The following ICE1 variants were observed in gnomAD, a reference collection of about 807,000 sequenced individuals.
ICE1 encodes little elongation complex subunit 1.
ICE1 carries 64 observed loss-of-function variants against 192.7 expected under a neutral mutation model. The observed-to-expected ratio is 0.33, with a 90% CI of 0.27 to 0.41. The LOEUF (loss-of-function observed/expected upper bound fraction) is 0.41, where lower values mean the gene tolerates loss of function less well. ICE1 is among the 10% of genes least tolerant of loss of function. The probability of loss-of-function intolerance (pLI) is 1.00; values close to 1 mark genes in which losing one functional copy is unlikely to be tolerated. For missense variants in ICE1, 2,708 were observed against 2,696.0 expected (o/e 1.00, Z -0.10); for synonymous variants, 1,010 against 984.5 (o/e 1.03, Z -0.49).
chr5:5,483,681 T>A (rs972222679), intron 17 of ICE1, among the ~76,000 whole-genome samples: 3 of 152,190 alleles, frequency 2.0e-5, no homozygotes, highest in Non-Finnish European at 2.9e-5. Context: ...CAGTGGAGTG[T>A]AAATCTGTAG....
Position 5,473,637 on chromosome 5 carries a change from C to T in ICE1, c.6302C>T (p.Pro2101Leu). 6.2e-7 allele frequency: 1 copy of T among 1,613,490 alleles called. No individual in the cohort carries two copies. The change falls in exon 16 of 19, where the codon CCT (proline) becomes CTT (leucine). Residue 2101 changes from proline (P) to leucine (L), a missense_variant. By Grantham distance (98) the Pro-to-Leu change is moderately conservative. Around this residue, in one of 2 missense-constraint regions of ICE1, gnomAD observed 342 missense variants for 419.3 expected, o/e 0.82. Transcript: ENST00000296564. ...TTATGTCCAAAAACAGAATTTCAAC[C>T]TAGTGAAAAATTTGGTGAAGACCTA... is the stretch of plus-strand genomic sequence containing the variant. Reference protein sequence around the residue: ...IQLCPKTEFQPSEKFGEDLSD... With the variant: ...IQLCPKTEFQLSEKFGEDLSD...
intron 18 of ICE1, among the ~76,000 whole-genome samples, chr5:5,488,906 C>A: frequency 6.6e-6 from 1 of 152,160 alleles, no homozygotes; most frequent in East Asian, 1.9e-4. Context: ...TAAAAACACA[C>A]AAACAGTCCT....
chr5:5,437,091 CAG>C lies in ICE1; in HGVS notation c.157_158del (p.Glu53IlefsTer6). The C allele has an allele frequency of 1.3e-6, 2 of 1,525,764 alleles. No homozygotes were observed. Among genetic ancestry groups the C allele is most frequent in the Non-Finnish European group, 1.8e-6 (2 of 1,118,708 alleles). The allele number at this position is 1,525,764 out of a possible 1,614,324, so 94.5% of individuals were successfully genotyped here. On this transcript the variant is annotated frameshift_variant, in exon 3 of 19. Coordinates refer to ENST00000296564, the MANE Select transcript of ICE1 (RefSeq NM_015325.3). LOFTEE classifies it high-confidence loss of function. ...TTTCTTTTTTGCAGTAATTTGTTAA[CAG>C]AATATCAGAAGAAATGTGATGATAT... is the stretch of plus-strand genomic sequence containing the variant.
At chr5:5,438,308 TG>T (rs1167489900) in intron 3 of ICE1, among the ~76,000 whole-genome samples, 1 of 152,166 alleles carries the variant, frequency 6.6e-6, no homozygotes, top group Non-Finnish European at 1.5e-5. Flanking sequence ...AATCACAACT[TG>T]GTTTACAATT....
chr5:5,466,731 G>A (rs140489863), intron 14 of ICE1, among the ~76,000 whole-genome samples: 28 of 152,276 alleles, frequency 1.8e-4, no homozygotes, highest in African/African-American at 5.5e-4. Context: ...TCATTACTGT[G>A]TATTTGTTCT....
At chr5:5,470,227 C>G (rs1267392204) in intron 15 of ICE1, among the ~76,000 whole-genome samples, 1 of 152,170 alleles carries the variant, frequency 6.6e-6, no homozygotes, top group African/African-American at 2.4e-5. Context: ...GGTTACCTGC[C>G]TACAGGGGGT....
chr5:5,465,273 A>G, intron 13 of ICE1, 47 bp downstream of exon 13: 5 of 1,341,162 alleles, frequency 3.7e-6, no homozygotes, highest in Non-Finnish European at 5.1e-6. Flanking sequence ...ACATGTCCTC[A>G]AAGACAGATG....
rs780077927 is a variant in ICE1, at chr5:5,461,315, A to G, written c.1981A>G (p.Thr661Ala). Residue 661 changes from threonine to alanine, a missense_variant, in exon 13 of 19, where the codon ACT becomes GCT. By Grantham distance (58) the Thr-to-Ala change is moderately conservative. This residue lies in a region of ICE1 where 2,366 missense variants were observed against 2,276.6 expected (regional missense o/e 1.04). Coordinates refer to ENST00000296564, the MANE Select transcript of ICE1 (RefSeq NM_015325.3). The part of the protein sequence containing the change: ...LDCGNDTDIT[T>A]KVFSTEPHHS... ...CTGTGGTAATGATACAGATATTACT[A>G]CTAAAGTATTCTCTACTGAACCGCA... 2.4e-5 allele frequency: 39 copies of G among 1,613,788 alleles called. No individual in the cohort carries two copies. The highest frequency in any genetic ancestry group is 1.9e-4 in the South Asian group (17 of 91,090).
chr5:5,454,683 A>G (rs778782737), intron 11 of ICE1, 45 bp downstream of exon 11: 9 of 1,465,144 alleles, frequency 6.1e-6, no homozygotes, highest in South Asian at 5.8e-5. Context: ...GTGAAAGTAC[A>G]GAGCTTAACC....
intron 1 of ICE1, among the ~76,000 whole-genome samples, chr5:5,430,029 G>A (rs914202915): frequency 3.9e-5 from 6 of 152,184 alleles, no homozygotes; most frequent in African/African-American, 1.2e-4. Context: ...CTTTCCAATA[G>A]ACTATATAAT....
chr5:5,423,639 A>T (rs1334042207), intron 1 of ICE1, among the ~76,000 whole-genome samples: 1 of 152,216 alleles, frequency 6.6e-6, no homozygotes, highest in Non-Finnish European at 1.5e-5. Context: ...TTAGAGTGAC[A>T]TAAGGGAGAA....
chr5:5,466,306 T>G, intron 13 of ICE1, 28 bp from the exon 14 acceptor site: 1 of 1,574,414 alleles, frequency 6.4e-7, no homozygotes, highest in Non-Finnish European at 8.6e-7. Context: ...GAGTGTACAT[T>G]GCCTTTTTAA....
chr5:5,454,009 G>A (rs934940423), intron 10 of ICE1, among the ~76,000 whole-genome samples: 8 of 152,040 alleles, frequency 5.3e-5, no homozygotes, highest in South Asian at 2.1e-4. Context: ...TTCCCGTACC[G>A]TCTCCCCTCA....
At chr5:5,425,213 G>C (rs1387060945) in intron 1 of ICE1, among the ~76,000 whole-genome samples, 1 of 152,070 alleles carries the variant, frequency 6.6e-6, no homozygotes, top group Non-Finnish European at 1.5e-5. Flanking sequence ...TCTAATGTAT[G>C]GCCTAGAAAT....
At chr5:5,444,900 T>A (rs1738167023) in intron 7 of ICE1, among the ~76,000 whole-genome samples, 2 of 152,132 alleles carry the variant, frequency 1.3e-5, no homozygotes, top group African/African-American at 4.8e-5. Flanking sequence ...GCTAATAACC[T>A]TTCAGGAACT....
At position 5,468,719 on chromosome 5, in the gene ICE1, G is replaced by A. The variant is rs1013636501; in HGVS notation, c.6062-109G>A. On this transcript the variant is annotated intron_variant, in intron 14 of 18. Coordinates refer to ENST00000296564, the MANE Select transcript of ICE1 (RefSeq NM_015325.3). Reference sequence around the variant, plus strand: ...CTCCCCATTTACAGCTTCCTCCATTGCAGGATGCCTGCAAGGCACCAGTGA... The same window carrying A: ...CTCCCCATTTACAGCTTCCTCCATTACAGGATGCCTGCAAGGCACCAGTGA... The A allele has an allele frequency of 2.4e-5, 15 of 616,750 alleles. No individual in the cohort carries two copies. In the South Asian group the frequency reaches 5.0e-4, roughly 21 times the overall value. The allele number at this position is 616,750 out of a possible 1,614,324, so 38.2% of individuals were successfully genotyped here. A position where few individuals can be genotyped will look rare whatever the true frequency, so the allele number is the denominator to read the frequency against.
chr5:5,424,465 CAACA>C (rs1737463698), intron 1 of ICE1, among the ~76,000 whole-genome samples: 1 of 151,488 alleles, frequency 6.6e-6, no homozygotes, highest in African/African-American at 2.4e-5. Context: ...CCAATTCACT[CAACA>C]AACATTTATT....
chr5:5,424,869 T>G (rs571261327), intron 1 of ICE1, among the ~76,000 whole-genome samples: 7 of 151,922 alleles, frequency 4.6e-5, no homozygotes, highest in Non-Finnish European at 7.4e-5. Context: ...TGGAGCGGAG[T>G]GAATGCTGGG....
Position 5,457,586 on chromosome 5 carries a change from A to T in ICE1, c.946A>T (p.Ser316Cys), listed in dbSNP as rs1738625859. Reference protein sequence around the residue: ...VLVQSHRDGGSTEFVDHDHFF... With the variant: ...VLVQSHRDGGCTEFVDHDHFF... ...AGTACAAAGTCATCGTGACGGTGGTAGTACTGAATTTGTTGATCATGATCA... is the reference window on the plus strand; with the variant it reads ...AGTACAAAGTCATCGTGACGGTGGTTGTACTGAATTTGTTGATCATGATCA... The change falls in exon 12 of 19, where the codon AGT (serine) becomes TGT (cysteine). Residue 316 changes from serine (S) to cysteine (C), a missense_variant. Transcript: ENST00000296564. 4 of 1,613,748 alleles carry T rather than the reference A, an allele frequency of 2.5e-6. No homozygotes were observed. The highest frequency in any genetic ancestry group is 3.4e-6 in the Non-Finnish European group (4 of 1,179,822).
Sources: allele counts gnomAD v4.1 joint callset (sites outside exome capture counted in the v4.1 genomes callset), GRCh38; gene constraint gnomAD v4.1.1; regional missense constraint gnomAD v4.1.1; transcripts MANE v1.5; gene names NCBI Gene and HGNC (gene_info 2026-07-23, HGNC 2026-07-21).